The following NAA38 variants were observed in gnomAD, a reference collection of about 807,000 sequenced individuals.
NAA38 encodes the protein N-alpha-acetyltransferase 38, NatC auxiliary subunit.
A neutral mutation model predicts 12.6 loss-of-function variants in NAA38; 15 were observed. That is an observed-to-expected ratio of 1.19 (90% CI 0.79 to 1.83). The LOEUF (loss-of-function observed/expected upper bound fraction) is 1.83. Ranked by LOEUF, NAA38 falls within the 40% of genes most tolerant of loss-of-function variation. The pLI, the probability that NAA38 is intolerant of heterozygous loss-of-function variation, is 0.00. For missense variants in NAA38, 183 were observed against 171.7 expected (o/e 1.07, Z -0.37); for synonymous variants, 88 against 69.9 (o/e 1.26, Z -1.29).
At chr17:7,858,129 A>G (rs769273638), upstream of NAA38, 1 of 1,613,296 alleles carries the variant, frequency 6.2e-7, no homozygotes, top group Non-Finnish European at 8.5e-7. Context: ...CGACAGAGCA[A>G]GAGCCATGCC....
intron 2 of NAA38, among the ~76,000 whole-genome samples, chr17:7,874,332 C>G (rs1332539350): frequency 6.6e-6 from 1 of 151,888 alleles, no homozygotes; most frequent in Non-Finnish European, 1.5e-5. Flanking sequence ...AGTGGGATGG[C>G]TAGAAAGGTC....
At chr17:7,858,879 T>A, upstream of NAA38, 1 of 1,438,972 alleles carries the variant, frequency 6.9e-7, no homozygotes, top group Non-Finnish European at 9.3e-7. Flanking sequence ...CCAGCAAATC[T>A]CCAGGCCGAT....
upstream of NAA38, chr17:7,859,707 G>A (rs1419973936): frequency 1.0e-5 from 11 of 1,086,070 alleles, no homozygotes; most frequent in Non-Finnish European, 1.5e-5. Context: ...GGGGTGCCTG[G>A]ACCCAGATCT....
At chr17:7,863,943 GA>G (rs1327546550) in intron 3 of NAA38, 2 of 152,296 alleles carry the variant, frequency 1.3e-5, no homozygotes, top group Non-Finnish European at 2.9e-5. Flanking sequence ...CTAAATTTAT[GA>G]CGAGTCTCAA....
chr17:7,883,100 C>T (rs1190888742), intron 2 of NAA38: 1 of 152,224 alleles, frequency 6.6e-6, no homozygotes, highest in Non-Finnish European at 1.5e-5. Flanking sequence ...CTGGGCAAAT[C>T]TCTGTATGAG....
chr17:7,857,595 G>A (rs1597871442), upstream of NAA38: 2 of 1,381,156 alleles, frequency 1.4e-6, no homozygotes, highest in East Asian at 5.5e-5. Context: ...TAGTCTCCTC[G>A]GCAACGGCAC....
upstream of NAA38, chr17:7,858,378 C>G: frequency 6.2e-7 from 1 of 1,614,120 alleles, no homozygotes; most frequent in Non-Finnish European, 8.5e-7. Flanking sequence ...CTGGCATTGA[C>G]AGTGGCTGTG....
intron 2 of NAA38, among the ~76,000 whole-genome samples, chr17:7,871,629 G>A (rs939253024): frequency 1.3e-5 from 2 of 152,136 alleles, no homozygotes; most frequent in African/African-American, 4.8e-5. Context: ...GAAGAAATAG[G>A]AAGTAGATCT....
chr17:7,882,729 A>C (rs997239104), intron 2 of NAA38, among the ~76,000 whole-genome samples: 2 of 152,202 alleles, frequency 1.3e-5, no homozygotes, highest in African/African-American at 4.8e-5. Flanking sequence ...AAAGTGCATT[A>C]GTGTGGGGAG....
chr17:7,885,025 C>T (rs1203779625), intron 1 of NAA38: 5 of 1,161,118 alleles, frequency 4.3e-6, no homozygotes, highest in Non-Finnish European at 5.3e-6. Flanking sequence ...GCCACCTCTT[C>T]CCGCCGCCGC....
At chr17:7,877,095 G>T in intron 2 of NAA38, 1 of 369,136 alleles carries the variant, frequency 2.7e-6, no homozygotes, top group Non-Finnish European at 5.4e-6. Flanking sequence ...CTTTAGAGAA[G>T]TCATACTACT....
Position 7,872,308 on chromosome 17 carries a change from A to G in NAA38, c.-65-5750T>C, listed in dbSNP as rs563983381. Among the ~76,000 whole-genome samples the G allele has an allele frequency of 3.3e-5, 5 of 152,234 alleles. No homozygotes were observed. The East Asian group carries it at 9.6e-4, about 29-fold the overall frequency. On this transcript the variant is annotated intron_variant, in intron 2 of 4. Coordinates refer to the NAA38 transcript ENST00000576861. ...AGGAAAATATTCACCCACACTTTTT[A>G]TATCTCATTCTAGTTCTCTAAAAAA...
chr17:7,865,762 GGA>G (rs1966957744), intron 3 of NAA38: 1 of 152,222 alleles, frequency 6.6e-6, no homozygotes, highest in Non-Finnish European at 1.5e-5. Context: ...GAGATGCACT[GGA>G]GGTAAAAGGG....
chr17:7,867,420 C>A (rs984697025), intron 2 of NAA38, among the ~76,000 whole-genome samples: 1 of 152,096 alleles, frequency 6.6e-6, no homozygotes, highest in African/African-American at 2.4e-5. Context: ...CTCACTGCAA[C>A]CTTCGCCTCC....
chr17:7,884,500 T>TCC (rs1466119812), intron 1 of NAA38, among the ~76,000 whole-genome samples: 1 of 140,432 alleles, frequency 7.1e-6, no homozygotes, highest in Non-Finnish European at 1.5e-5. Context: ...ATATTTTAAA[T>TCC]CCCCCTTTCT....
chr17:7,858,122 C>T (rs747698041), upstream of NAA38: 3 of 1,612,886 alleles, frequency 1.9e-6, no homozygotes, highest in African/African-American at 4.0e-5. Flanking sequence ...CAGTGACCGA[C>T]AGAGCAAGAG....
At chr17:7,870,525 T>C (rs1250820971) in intron 2 of NAA38, among the ~76,000 whole-genome samples, 2 of 152,322 alleles carry the variant, frequency 1.3e-5, no homozygotes, top group East Asian at 3.9e-4. Context: ...GGTTCTTTAT[T>C]AGGTACTGGA....
chr17:7,860,178 G>C (rs1195140586), upstream of NAA38: 1 of 155,150 alleles, frequency 6.4e-6, no homozygotes, highest in African/African-American at 2.4e-5. Flanking sequence ...CAAAGAGAAG[G>C]GGTCTTGCTC....
chr17:7,858,198 C>G (rs2078848497), upstream of NAA38: 2 of 1,613,850 alleles, frequency 1.2e-6, no homozygotes, highest in Non-Finnish European at 1.7e-6. Context: ...CTATTTCACG[C>G]CGGCGGAGGT....
Sources: allele counts gnomAD v4.1 joint callset (sites outside exome capture counted in the v4.1 genomes callset), GRCh38; gene constraint gnomAD v4.1.1; transcripts MANE v1.5; gene names NCBI Gene and HGNC (gene_info 2026-07-23, HGNC 2026-07-21).